The following RBFOX1 variants were observed in gnomAD, a reference collection of about 807,000 sequenced individuals.
RBFOX1 encodes RNA binding protein fox-1 homolog 1.
RBFOX1 carries 8 observed loss-of-function variants against 57.7 expected under a neutral mutation model. The ratio of observed to expected loss-of-function variants is 0.14; its 90% CI spans 0.08 to 0.25. The LOEUF (loss-of-function observed/expected upper bound fraction) is 0.25. RBFOX1 is among the 10% of genes least tolerant of loss of function. The pLI, the probability that RBFOX1 is intolerant of heterozygous loss-of-function variation, is 1.00. For missense variants in RBFOX1, 611 were observed against 548.5 expected, an observed-to-expected ratio of 1.11 and a Z score of -1.14; for synonymous variants, 326 against 222.4, an observed-to-expected ratio of 1.47 and a Z score of -4.15.
intron 3 of RBFOX1, among the ~76,000 whole-genome samples, chr16:6,887,989 T>C (rs1201140021): frequency 4.6e-5 from 7 of 152,068 alleles, no homozygotes; most frequent in African/African-American, 1.7e-4. Context: ...TTACTGCATC[T>C]TATTCTGTTT....
chr16:6,357,208 C>T (rs919068148), intron 2 of RBFOX1, among the ~76,000 whole-genome samples: 3 of 152,072 alleles, frequency 2.0e-5, no homozygotes, highest in Non-Finnish European at 2.9e-5. Context: ...TTGTACAACA[C>T]ACTGGGGGAA....
At chr16:5,346,151 G>T (rs2065134563) in intron 1 of RBFOX1, among the ~76,000 whole-genome samples, 1 of 152,180 alleles carries the variant, frequency 6.6e-6, no homozygotes, top group African/African-American at 2.4e-5. Flanking sequence ...GGAGCTCCTG[G>T]GCTCTGGAGG....
At chr16:6,644,568 G>A (rs2098518229) in intron 2 of RBFOX1, among the ~76,000 whole-genome samples, 1 of 152,162 alleles carries the variant, frequency 6.6e-6, no homozygotes, top group Admixed American at 6.5e-5. Context: ...AAAGCTCTCT[G>A]GGACTTTGTA....
At chr16:7,104,863 A>T (rs985230576) in intron 4 of RBFOX1, among the ~76,000 whole-genome samples, 3 of 152,150 alleles carry the variant, frequency 2.0e-5, no homozygotes, top group African/African-American at 7.2e-5. Flanking sequence ...TGGTGTACAA[A>T]ACAGAAAAGT....
intron 1 of RBFOX1, among the ~76,000 whole-genome samples, chr16:5,434,416 A>G (rs1346748009): frequency 7.0e-6 from 1 of 142,324 alleles, no homozygotes; most frequent in African/African-American, 2.7e-5. Context: ...CCACCTCCCA[A>G]GTTCAAGCGA....
intron 4 of RBFOX1, among the ~76,000 whole-genome samples, chr16:7,405,892 C>T (rs1447617903): frequency 2.0e-5 from 3 of 152,096 alleles, no homozygotes; most frequent in Non-Finnish European, 4.4e-5. Flanking sequence ...GCTCTGTGTC[C>T]CCAGGGTGCA....
At chr16:7,479,836 A>G (rs757561466) in intron 4 of RBFOX1, among the ~76,000 whole-genome samples, 1 of 152,186 alleles carries the variant, frequency 6.6e-6, no homozygotes, top group Non-Finnish European at 1.5e-5. Context: ...TCTTCCCCAG[A>G]ACATCCCTCA....
chr16:6,551,077 C>A (rs1027388363), intron 2 of RBFOX1, among the ~76,000 whole-genome samples: 2 of 152,126 alleles, frequency 1.3e-5, no homozygotes, highest in African/African-American at 4.8e-5. Context: ...CCTCCTGGAC[C>A]CATTTTATGT....
intron 2 of RBFOX1, among the ~76,000 whole-genome samples, chr16:6,585,091 A>G (rs759932502): frequency 5.3e-5 from 8 of 152,178 alleles, no homozygotes; most frequent in Non-Finnish European, 1.0e-4. Context: ...ATCTCTGTGC[A>G]CTTTCATAAT....
chr16:6,762,940 C>G (rs1440228088), intron 3 of RBFOX1, among the ~76,000 whole-genome samples: 2 of 152,098 alleles, frequency 1.3e-5, no homozygotes, highest in Non-Finnish European at 1.5e-5. Flanking sequence ...ACCTGAAGAA[C>G]AAGTAGGAGT....
intron 1 of RBFOX1, among the ~76,000 whole-genome samples, chr16:6,048,927 C>G (rs552446070): frequency 2.1e-4 from 32 of 152,100 alleles, no homozygotes; most frequent in African/African-American, 7.7e-4. Flanking sequence ...TGAGTTCTAG[C>G]TATAGCATGA....
At chr16:7,690,184 T>C (rs1167506169) in intron 14 of RBFOX1, among the ~76,000 whole-genome samples, 1 of 152,194 alleles carries the variant, frequency 6.6e-6, no homozygotes, top group East Asian at 1.9e-4. Flanking sequence ...CTACCCCAGA[T>C]CAATTAAAGC....
At chr16:5,922,425 A>C (rs1049519832) in intron 4 of RBFOX1, among the ~76,000 whole-genome samples, 4 of 152,224 alleles carry the variant, frequency 2.6e-5, no homozygotes, top group Non-Finnish European at 5.9e-5. Context: ...TGTCTCAGCT[A>C]TGGATAGCCC....
intron 3 of RBFOX1, among the ~76,000 whole-genome samples, chr16:5,762,820 T>A (rs1357719111): frequency 6.6e-6 from 1 of 152,206 alleles, no homozygotes; most frequent in Non-Finnish European, 1.5e-5. Context: ...TTCTGATTCC[T>A]CAAGTGAAAA....
intron 3 of RBFOX1, among the ~76,000 whole-genome samples, chr16:6,941,097 A>G (rs2078364114): frequency 6.6e-6 from 1 of 151,986 alleles, no homozygotes; most frequent in African/African-American, 2.4e-5. Flanking sequence ...GTTAAACAGG[A>G]AAGAGTCTTA....
chr16:7,050,282 T>C (rs929946100), intron 3 of RBFOX1, among the ~76,000 whole-genome samples: 1 of 150,432 alleles, frequency 6.6e-6, no homozygotes, highest in African/African-American at 2.4e-5. Context: ...TTTTTTCTTT[T>C]GAGATGGAGT....
chr16:6,810,227 C>CCCT (rs1186550551), intron 3 of RBFOX1, among the ~76,000 whole-genome samples: 1 of 152,042 alleles, frequency 6.6e-6, no homozygotes, highest in African/African-American at 2.4e-5. Context: ...AAATGTCCAT[C>CCCT]CCTCTTTTTC....
chr16:7,548,190 A>C lies in RBFOX1; in HGVS notation c.270+29801A>C, dbSNP rs185150040. 3.0e-4 allele frequency among the ~76,000 whole-genome samples: 45 copies of C among 152,238 alleles called. No homozygotes were observed. The East Asian group carries it at 7.7e-3, about 26-fold the overall frequency. On this transcript the variant is annotated intron_variant, in intron 5 of 15. Transcript: ENST00000550418. ...TTTTCATATTTTATTTTTACTTTTG[A>C]GACAGAGAGTCCCATCTGTCACCCA...
chr16:6,450,776 TATATATATATATAC>T (rs1567302744), intron 2 of RBFOX1, among the ~76,000 whole-genome samples: 2 of 41,764 alleles, frequency 4.8e-5, no homozygotes, highest in African/African-American at 2.8e-4. Flanking sequence ...TGTATATATA[TATATATATATATAC>T]ATATATATAT....
Sources: allele counts gnomAD v4.1 joint callset (sites outside exome capture counted in the v4.1 genomes callset), GRCh38; gene constraint gnomAD v4.1.1; transcripts MANE v1.5; gene names NCBI Gene and HGNC (gene_info 2026-07-23, HGNC 2026-07-21).